Variants in WSCD2 observed in about 807,000 individuals in gnomAD.
WSCD2 encodes sialate:O-sulfotransferase 2.
WSCD2 carries 28 observed loss-of-function variants against 55.7 expected under a neutral mutation model. The observed-to-expected ratio is 0.50, with a 90% CI of 0.37 to 0.69. WSCD2 has a LOEUF of 0.69. Ranked by LOEUF, WSCD2 falls within the 30% of genes least tolerant of loss-of-function variation. The pLI is 0.00. For missense variants in WSCD2, 616 were observed against 762.1 expected (o/e 0.81, Z 2.26); for synonymous variants, 301 against 301.9 (o/e 1.00, Z 0.03).
Position 108,232,658 on chromosome 12 carries a change from C to T in WSCD2, c.980-73C>T, listed in dbSNP as rs566965213. ...GCTGAGAAGTGGCAGGGGTGTGACTCATACCCTGGCCCTTTCAGACAGGCT... is the reference window on the plus strand; with the variant it reads ...GCTGAGAAGTGGCAGGGGTGTGACTTATACCCTGGCCCTTTCAGACAGGCT... On this transcript the variant is annotated intron_variant, in intron 6 of 8. Coordinates refer to ENST00000547525, the MANE Select transcript of WSCD2 (RefSeq NM_014653.4). 185 of 1,452,492 alleles carry T rather than the reference C, an allele frequency of 1.3e-4. 1 individual carries two copies. The African/African-American group carries it at 2.4e-3, about 19-fold the overall frequency. 90.0% of individuals were successfully genotyped at this position (1,452,492 alleles called of 1,614,324 possible). A position where few individuals can be genotyped will look rare whatever the true frequency, so the allele number is the denominator to read the frequency against.
intron 8 of WSCD2, chr12:108,244,493 G>C: frequency 1.4e-6 from 1 of 702,934 alleles, no homozygotes; most frequent in Non-Finnish European, 2.6e-6. Context: ...ACACTAACCA[G>C]TATTTATTGA....
intron 8 of WSCD2, among the ~76,000 whole-genome samples, chr12:108,245,656 T>G (rs1170869341): frequency 6.6e-6 from 1 of 152,150 alleles, no homozygotes; most frequent in Middle Eastern, 3.2e-3. Context: ...CACCTGGGCA[T>G]CTCCCCTGAG....
chr12:108,223,830 A>G (rs575662928), intron 4 of WSCD2, among the ~76,000 whole-genome samples: 48 of 152,300 alleles, frequency 3.2e-4, no homozygotes, highest in Admixed American at 5.9e-4. Context: ...GGCCAAGGCA[A>G]GCCAGCCCCC....
intron 1 of WSCD2, chr12:108,189,261 G>A (rs1480673039): frequency 6.6e-6 from 1 of 152,178 alleles, no homozygotes; most frequent in African/African-American, 2.4e-5. Context: ...ACAGGGAAGG[G>A]AAGAAATCAA....
chr12:108,235,443 T>C (rs1889181442), intron 7 of WSCD2, among the ~76,000 whole-genome samples: 1 of 152,108 alleles, frequency 6.6e-6, no homozygotes, highest in African/African-American at 2.4e-5. Flanking sequence ...ATGGGTGTTT[T>C]CTATAAGCTC....
chr12:108,163,853 G>GT (rs112961110), intron 1 of WSCD2, among the ~76,000 whole-genome samples: 5,324 of 152,170 alleles, frequency 0.035, 315 homozygotes, highest in African/African-American at 0.12. Context: ...ATGAACTTAT[G>GT]TTTTTTTAAG....
At chr12:108,165,222 G>A (rs530441430) in intron 1 of WSCD2, among the ~76,000 whole-genome samples, 9 of 152,172 alleles carry the variant, frequency 5.9e-5, no homozygotes, top group East Asian at 3.9e-4. Context: ...TGGATCTTCC[G>A]GGCCAATAGA....
At chr12:108,143,138 T>C (rs1030752734) in intron 1 of WSCD2, among the ~76,000 whole-genome samples, 1 of 152,212 alleles carries the variant, frequency 6.6e-6, no homozygotes, top group African/African-American at 2.4e-5. Flanking sequence ...CACCAATCTT[T>C]TGGCTCCCAT....
chr12:108,141,134 G>A lies in WSCD2; in HGVS notation c.-552+11208G>A, dbSNP rs150618802. 6.2e-3 allele frequency among the ~76,000 whole-genome samples: 948 copies of A among 152,292 alleles called. 16 individuals are homozygous for A. The highest frequency in any genetic ancestry group is 0.022 in the African/African-American group (901 of 41,562). On this transcript the variant is annotated intron_variant, in intron 1 of 8. Transcript: ENST00000547525. ...AGTGACACGATCATAGCTCACTGCA[G>A]CCTTGAATTCCTGGGCTCAGGTGAT...
intron 1 of WSCD2, among the ~76,000 whole-genome samples, chr12:108,143,999 C>T (rs1234965786): frequency 6.6e-6 from 1 of 152,064 alleles, no homozygotes; most frequent in African/African-American, 2.4e-5. Flanking sequence ...TTCTCCCAGC[C>T]CCAGCCCCAG....
chr12:108,166,716 C>G (rs7975964), intron 1 of WSCD2, among the ~76,000 whole-genome samples: 2 of 150,124 alleles, frequency 1.3e-5, no homozygotes, highest in Non-Finnish European at 2.9e-5. Context: ...CTTTCTTTCC[C>G]TCCTTCTTTC....
At chr12:108,191,878 C>T (rs568784391) in intron 1 of WSCD2, among the ~76,000 whole-genome samples, 45 of 152,240 alleles carry the variant, frequency 3.0e-4, no homozygotes, top group Admixed American at 2.2e-3. Context: ...CACATCCCTC[C>T]GGCAGATCTC....
intron 4 of WSCD2, among the ~76,000 whole-genome samples, chr12:108,213,729 A>C (rs970793093): frequency 6.6e-6 from 1 of 152,218 alleles, no homozygotes; most frequent in Non-Finnish European, 1.5e-5. Context: ...ACTGGCAGGC[A>C]TGGTTTTTCC....
intron 8 of WSCD2, chr12:108,244,379 C>T (rs1217008476): frequency 1.1e-5 from 7 of 639,938 alleles, no homozygotes; most frequent in Non-Finnish European, 2.0e-5. Flanking sequence ...GCTGAAACAG[C>T]TTGGATATCT....
intron 4 of WSCD2, among the ~76,000 whole-genome samples, chr12:108,222,877 G>A (rs768888286): frequency 2.4e-4 from 36 of 152,180 alleles, no homozygotes; most frequent in Non-Finnish European, 1.0e-4. Context: ...GTTCTCTAGG[G>A]AAACAGAACC....
At chr12:108,245,371 A>G (rs1180319632) in intron 8 of WSCD2, among the ~76,000 whole-genome samples, 1 of 152,234 alleles carries the variant, frequency 6.6e-6, no homozygotes, top group African/African-American at 2.4e-5. Flanking sequence ...CCAACGCCCA[A>G]GAAATGCTCA....
rs946783381 is a variant in WSCD2, at chr12:108,248,943, G to T, written c.*600G>T. ...GGGGAGGTAATGGTGCTCACAGTAG[G>T]TTAATTGGAGACACCATGTGGGGCC... On this transcript the variant is annotated 3_prime_UTR_variant, in exon 9 of 9. Coordinates refer to ENST00000547525, the MANE Select transcript of WSCD2 (RefSeq NM_014653.4). The surrounding 1 kb of genome is among the most constrained non-coding windows in gnomAD (Gnocchi z 4.3). 1 of 983,512 alleles carries T rather than the reference G, an allele frequency of 1.0e-6. No individual in the cohort carries two copies. Among genetic ancestry groups the T allele is most frequent in the Non-Finnish European group, 1.2e-6 (1 of 827,760 alleles). The allele number at this position is 983,512 out of a possible 1,614,324, so 60.9% of individuals were successfully genotyped here.
intron 6 of WSCD2, among the ~76,000 whole-genome samples, chr12:108,230,121 TC>T (rs1888587133): frequency 6.6e-6 from 1 of 152,158 alleles, no homozygotes; most frequent in African/African-American, 2.4e-5. Context: ...AAGTAACACT[TC>T]CATAGAGTGG....
At chr12:108,202,731 G>A (rs1884856914) in intron 2 of WSCD2, among the ~76,000 whole-genome samples, 1 of 152,144 alleles carries the variant, frequency 6.6e-6, no homozygotes. Flanking sequence ...AGGGAGAAGA[G>A]GTGAAAATAT....
Sources: gnomAD v4.1 joint callset for allele counts (sites outside exome capture counted in the v4.1 genomes callset) on GRCh38, gnomAD v4.1.1 for gene constraint, Gnocchi (gnomAD v3.1) non-coding constraint, MANE v1.5 for transcripts, NCBI Gene and HGNC (gene_info 2026-07-23, HGNC 2026-07-21) for gene names.